Variants in ROCK2 observed in about 807,000 individuals in gnomAD.
ROCK2 encodes rho-associated protein kinase 2.
A neutral mutation model predicts 195.1 loss-of-function variants in ROCK2; 61 were observed. The observed-to-expected ratio is 0.31, with a 90% CI of 0.25 to 0.39. The LOEUF (loss-of-function observed/expected upper bound fraction) is 0.39. ROCK2 is among the 10% of genes least tolerant of loss of function. The pLI, the probability that ROCK2 is intolerant of heterozygous loss-of-function variation, is 1.00. For missense variants in ROCK2, 1,109 were observed against 1,637.4 expected, an observed-to-expected ratio of 0.68 and a Z score of 5.57; for synonymous variants, 504 against 545.5, an observed-to-expected ratio of 0.92 and a Z score of 1.06.
At chr2:11,184,854 AT>A (rs773070594) in intron 32 of ROCK2, 203 of 708,742 alleles carry the variant, frequency 2.9e-4, no homozygotes, top group Non-Finnish European at 3.4e-4. Flanking sequence ...CATACTTTGA[AT>A]GTGCTTGTAA....
chr2:11,251,293 T>C (rs537116045), intron 3 of ROCK2, among the ~76,000 whole-genome samples: 162 of 152,370 alleles, frequency 1.1e-3, no homozygotes, highest in African/African-American at 3.8e-3. Flanking sequence ...TTGCCTAGTA[T>C]AATGTCTGGC....
rs112165125 is a variant in ROCK2 at position 11,298,888 on chromosome 2, G to T, written c.142-11152C>A. ...AAACACAAAACTATCTTTCCCTATT[G>T]TCAGAATTTGATATATCACTATAGT... On this transcript the variant is annotated intron_variant, in intron 1 of 32. Coordinates refer to ENST00000315872, the MANE Select transcript of ROCK2 (RefSeq NM_004850.5). 7.1e-3 allele frequency among the ~76,000 whole-genome samples: 1,080 copies of T among 152,140 alleles called. 11 individuals carry two copies. Among genetic ancestry groups the T allele is most frequent in the African/African-American group, 0.025 (1,017 of 41,490 alleles).
chr2:11,222,293 A>G (rs1031350292), intron 7 of ROCK2, 119 bp from the exon 8 acceptor site: 13 of 586,334 alleles, frequency 2.2e-5, no homozygotes, highest in Non-Finnish European at 3.5e-5. Context: ...TTGTATTAAA[A>G]GCTTCAGCTT....
chr2:11,249,818 C>A lies in ROCK2; in HGVS notation c.325-20G>T. On this transcript the variant is annotated intron_variant, in intron 3 of 32. Transcript: ENST00000315872. ...ACGAACCTGTTGATTTTTGAAAACA[C>A]AAAAATTAATACTTTCATGTTATGA... 1 of 1,466,536 alleles carries A rather than the reference C, an allele frequency of 6.8e-7. No individual in the cohort carries two copies. The highest frequency in any genetic ancestry group is 9.0e-7 in the Non-Finnish European group (1 of 1,110,108). 90.8% of individuals were successfully genotyped at this position (1,466,536 alleles called of 1,614,324 possible). A position where few individuals can be genotyped will look rare whatever the true frequency, so the allele number is the denominator to read the frequency against.
intron 3 of ROCK2, among the ~76,000 whole-genome samples, chr2:11,274,235 C>G (rs1305994891): frequency 1.3e-5 from 2 of 151,724 alleles, no homozygotes; most frequent in African/African-American, 4.8e-5. Context: ...CCAAAGCCAT[C>G]AGAAGCAAGG....
chr2:11,254,048 T>C (rs1003656256), intron 3 of ROCK2, among the ~76,000 whole-genome samples: 1 of 152,176 alleles, frequency 6.6e-6, no homozygotes, highest in African/African-American at 2.4e-5. Context: ...GGGAGTGGGT[T>C]TGAACAAATC....
rs554808858 is a variant in ROCK2 at position 11,259,916 on chromosome 2, G to A, written c.325-10118C>T. ...GCTGGAGTAACAATTCCTTTGATTT[G>A]TATACTGTTGTAAAATTTATAGAAT... On this transcript the variant is annotated intron_variant, in intron 3 of 32. Coordinates refer to ENST00000315872, the MANE Select transcript of ROCK2 (RefSeq NM_004850.5). 5.9e-5 allele frequency among the ~76,000 whole-genome samples: 9 copies of A among 151,366 alleles called. No individual in the cohort carries two copies. The South Asian group carries it at 1.9e-3, about 31-fold the overall frequency.
intron 1 of ROCK2, among the ~76,000 whole-genome samples, chr2:11,327,158 A>G (rs1260639512): frequency 1.3e-5 from 2 of 152,172 alleles, no homozygotes; most frequent in Non-Finnish European, 2.9e-5. Context: ...TTTGCCAGAT[A>G]CATACGATGA....
chr2:11,190,789 T>A (rs1365745027), intron 32 of ROCK2, among the ~76,000 whole-genome samples: 1 of 152,190 alleles, frequency 6.6e-6, no homozygotes, highest in South Asian at 2.1e-4. Context: ...CTATAAGGTA[T>A]TAAAATACCA....
intron 3 of ROCK2, among the ~76,000 whole-genome samples, chr2:11,256,595 A>G (rs1007150547): frequency 1.3e-5 from 2 of 150,334 alleles, no homozygotes; most frequent in Non-Finnish European, 2.9e-5. Flanking sequence ...AAATATATAC[A>G]TAAGTTATAT....
intron 4 of ROCK2, among the ~76,000 whole-genome samples, chr2:11,246,807 A>G (rs769541487): frequency 1.5e-4 from 23 of 152,224 alleles, no homozygotes; most frequent in Non-Finnish European, 3.4e-4. Flanking sequence ...ATAGTCCAAT[A>G]AAATTAATTA....
At chr2:11,188,125 T>G (rs551094350) in intron 32 of ROCK2, among the ~76,000 whole-genome samples, 68 of 148,974 alleles carry the variant, frequency 4.6e-4, no homozygotes, top group South Asian at 3.6e-3. Flanking sequence ...TTTTTTTTTT[T>G]TGTGTGACGG....
chr2:11,230,574 T>G (rs1009926657), intron 5 of ROCK2, among the ~76,000 whole-genome samples: 1 of 152,164 alleles, frequency 6.6e-6, no homozygotes, highest in African/African-American at 2.4e-5. Context: ...AAATTTCATG[T>G]GACAAGCTAA....
intron 3 of ROCK2, among the ~76,000 whole-genome samples, chr2:11,256,538 A>T (rs1305027278): frequency 6.6e-6 from 1 of 151,150 alleles, no homozygotes; most frequent in Non-Finnish European, 1.5e-5. Flanking sequence ...TCTTTACAGC[A>T]ATGTGAGAAC....
chr2:11,283,102 A>T (rs1667064187), intron 3 of ROCK2, among the ~76,000 whole-genome samples: 1 of 146,318 alleles, frequency 6.8e-6, no homozygotes, highest in South Asian at 2.2e-4. Flanking sequence ...CCCCATCTCT[A>T]CTAAAAATAC....
At chr2:11,311,767 GCACACA>G (rs72036284) in intron 1 of ROCK2, among the ~76,000 whole-genome samples, 7 of 150,290 alleles carry the variant, frequency 4.7e-5, no homozygotes, top group Admixed American at 3.3e-4. Flanking sequence ...ACACGCGCGT[GCACACA>G]CACACACACA....
intron 3 of ROCK2, among the ~76,000 whole-genome samples, chr2:11,266,375 G>A (rs963620801): frequency 2.6e-5 from 4 of 152,126 alleles, no homozygotes; most frequent in African/African-American, 9.7e-5. Flanking sequence ...GAATTTTTCA[G>A]CTCCATTATA....
chr2:11,219,984 T>A (rs936502607), intron 9 of ROCK2, among the ~76,000 whole-genome samples: 1 of 152,040 alleles, frequency 6.6e-6, no homozygotes, highest in Non-Finnish European at 1.5e-5. Context: ...TACCTGGGAT[T>A]ACAGGCGCAA....
At chr2:11,294,112 G>C (rs576042950) in intron 1 of ROCK2, among the ~76,000 whole-genome samples, 2 of 151,818 alleles carry the variant, frequency 1.3e-5, no homozygotes, top group African/African-American at 2.4e-5. Context: ...AGCCGAGATC[G>C]TGCCACTGCA....
Sources: allele counts gnomAD v4.1 joint callset (sites outside exome capture counted in the v4.1 genomes callset), GRCh38; gene constraint gnomAD v4.1.1; transcripts MANE v1.5; gene names NCBI Gene and HGNC (gene_info 2026-07-23, HGNC 2026-07-21).